GRM7: variants seen among roughly 807,000 people sequenced by gnomAD.
The protein encoded by GRM7 is glutamate metabotropic receptor 7, also known as metabotropic glutamate receptor 7.
In GRM7, 35 loss-of-function variants were observed where a neutral mutation model predicts 84.5. The ratio of observed to expected loss-of-function variants is 0.41; its 90% CI spans 0.32 to 0.55. The LOEUF (loss-of-function observed/expected upper bound fraction) is 0.55, where lower values mean the gene tolerates loss of function less well. Ranked by LOEUF, GRM7 falls within the 20% of genes least tolerant of loss-of-function variation. GRM7 has a pLI of 0.19. For missense variants in GRM7, 1,003 were observed against 1,194.6 expected, an observed-to-expected ratio of 0.84 and a Z score of 2.36; for synonymous variants, 487 against 455.1, an observed-to-expected ratio of 1.07 and a Z score of -0.89.
At chr3:7,293,048 A>C (rs895405716) in intron 2 of GRM7, among the ~76,000 whole-genome samples, 1 of 151,694 alleles carries the variant, frequency 6.6e-6, no homozygotes, top group African/African-American at 2.4e-5. Context: ...AAAAAAAAAA[A>C]AAATTGAGCT....
intron 7 of GRM7, among the ~76,000 whole-genome samples, chr3:7,495,909 GAAGGGTTTATAGCTGTGCTT>G (rs1232888454): frequency 2.6e-5 from 4 of 152,144 alleles, no homozygotes; most frequent in Non-Finnish European, 5.9e-5. Context: ...TGCACCTCCT[GAAGGGTTTATAGCTGTGCTT>G]AATGAGGAAG....
chr3:7,592,999 G>A (rs1405138061), intron 8 of GRM7, among the ~76,000 whole-genome samples: 2 of 152,092 alleles, frequency 1.3e-5, no homozygotes, highest in Admixed American at 1.3e-4. Context: ...ATAAGATAAT[G>A]GGGCTCCCAC....
rs938808855 is a variant in GRM7 at position 7,252,638 on chromosome 3, G to C, written c.737-46046G>C. Reference sequence around the variant, plus strand: ...AAATCTAGATTTCTGGCTTGGCTTGGCTTAGCTTAGCTTTTCTCTTTTCTA... The same window carrying C: ...AAATCTAGATTTCTGGCTTGGCTTGCCTTAGCTTAGCTTTTCTCTTTTCTA... On this transcript the variant is annotated intron_variant, in intron 2 of 9. Coordinates refer to ENST00000357716, the MANE Select transcript of GRM7 (RefSeq NM_000844.4). Among the ~76,000 whole-genome samples the C allele has an allele frequency of 1.2e-4, 11 of 94,290 alleles. No homozygotes were observed. The South Asian group carries it at 2.6e-3, about 22-fold the overall frequency. 61.9% of individuals were successfully genotyped at this position (94,290 alleles called of 152,430 possible).
At chr3:6,874,153 T>A (rs1211670675) in intron 1 of GRM7, among the ~76,000 whole-genome samples, 1 of 152,222 alleles carries the variant, frequency 6.6e-6, no homozygotes, top group East Asian at 1.9e-4. Flanking sequence ...TTGTGAAGAA[T>A]GAATGACTAG....
At chr3:7,682,336 C>CAAAAA (rs905940773) in intron 9 of GRM7, 53 of 50,890 alleles carry the variant, frequency 1.0e-3, no homozygotes, top group African/African-American at 1.2e-3. Context: ...AACTCCATCT[C>CAAAAA]AAAAAAAAAA....
intron 8 of GRM7, among the ~76,000 whole-genome samples, chr3:7,584,653 C>G (rs1171449563): frequency 1.3e-5 from 2 of 152,130 alleles, no homozygotes; most frequent in African/African-American, 2.4e-5. Context: ...GGTAAGAAAA[C>G]TAGTTGAGTA....
At chr3:7,464,889 G>T (rs1248742283) in intron 7 of GRM7, among the ~76,000 whole-genome samples, 2 of 151,592 alleles carry the variant, frequency 1.3e-5, no homozygotes, top group Non-Finnish European at 2.9e-5. Context: ...CCAACTACTT[G>T]GGAGGCTGAG....
At chr3:7,224,698 TG>T (rs1290727978) in intron 2 of GRM7, among the ~76,000 whole-genome samples, 4 of 152,218 alleles carry the variant, frequency 2.6e-5, no homozygotes, top group Non-Finnish European at 4.4e-5. Context: ...GGGATAATCA[TG>T]GCATGTGCTT....
intron 1 of GRM7, among the ~76,000 whole-genome samples, chr3:7,074,463 G>A (rs983006485): frequency 6.6e-6 from 1 of 152,106 alleles, no homozygotes; most frequent in African/African-American, 2.4e-5. Context: ...TGTGGTCCAT[G>A]AATTTCTTCT....
intron 2 of GRM7, among the ~76,000 whole-genome samples, chr3:7,197,952 C>G (rs1260641574): frequency 1.1e-4 from 17 of 151,800 alleles, no homozygotes; most frequent in Admixed American, 1.1e-3. Flanking sequence ...TAAGTGGGAC[C>G]CAGTTGGGTA....
intron 4 of GRM7, among the ~76,000 whole-genome samples, chr3:7,336,942 A>G (rs1701443656): frequency 6.6e-6 from 1 of 152,156 alleles, no homozygotes; most frequent in Non-Finnish European, 1.5e-5. Flanking sequence ...AATGGGTAGA[A>G]TCAATATTGT....
chr3:7,013,695 G>A (rs759698532), intron 1 of GRM7, among the ~76,000 whole-genome samples: 1 of 152,160 alleles, frequency 6.6e-6, no homozygotes, highest in South Asian at 2.1e-4. Context: ...GGAGGCTGAA[G>A]CAGGAGAATT....
intron 2 of GRM7, among the ~76,000 whole-genome samples, chr3:7,218,345 C>A (rs1010249791): frequency 6.6e-6 from 1 of 151,916 alleles, no homozygotes; most frequent in Non-Finnish European, 1.5e-5. Flanking sequence ...ATTTATAGTA[C>A]CTTTATTTCT....
intron 4 of GRM7, among the ~76,000 whole-genome samples, chr3:7,404,160 C>T (rs1559298104): frequency 6.6e-6 from 1 of 152,152 alleles, no homozygotes; most frequent in Non-Finnish European, 1.5e-5. Flanking sequence ...AAGTATTCTG[C>T]ATATACTTCC....
intron 7 of GRM7, among the ~76,000 whole-genome samples, chr3:7,547,293 A>AC (rs1298395087): frequency 8.0e-6 from 1 of 124,828 alleles, no homozygotes; most frequent in Non-Finnish European, 1.6e-5. Context: ...TGCAAGCTCC[A>AC]CCCCCCGGGT....
intron 1 of GRM7, among the ~76,000 whole-genome samples, chr3:6,910,484 A>G (rs796896906): frequency 1.6e-4 from 24 of 152,280 alleles, no homozygotes; most frequent in African/African-American, 5.8e-4. Context: ...GGCAGTGTGC[A>G]AGGTTTCCTG....
chr3:6,893,059 G>C (rs1027370639), intron 1 of GRM7: 2 of 151,924 alleles, frequency 1.3e-5, no homozygotes, highest in Non-Finnish European at 2.9e-5. Flanking sequence ...CTAGATGAAG[G>C]GCATATCATC....
At position 7,680,270 on chromosome 3, in the gene GRM7, G is replaced by A; in HGVS notation, c.2673G>A (p.Glu891=). The A allele has an allele frequency of 3.7e-6, 6 of 1,614,164 alleles. No homozygotes were observed. The highest frequency in any genetic ancestry group is 3.4e-6 in the Non-Finnish European group (4 of 1,179,996). ...SDRPNGEAKT[E]LCENVDPNSP... ...GACCCAACGGTGAGGCAAAGACCGAGCTCTGTGAAAACGTAGACCCAAACA... is the reference window on the plus strand; with the variant it reads ...GACCCAACGGTGAGGCAAAGACCGAACTCTGTGAAAACGTAGACCCAAACA... The change falls in exon 9 of 10, where the codon GAG becomes GAA. Residue 891 remains glutamate, a synonymous_variant. Transcript: ENST00000357716.
In GRM7 at chr3:7,461,634, G is replaced by T; in HGVS notation, c.1427G>T (p.Arg476Leu). The T allele has an allele frequency of 6.2e-7, 1 of 1,612,542 alleles. No homozygotes were observed. Among genetic ancestry groups the T allele is most frequent in the South Asian group, 1.1e-5 (1 of 91,058 alleles). ...AACAAGAACGGGGATGCACCTGGGCGTTATGACATCTTTCAGTACCAGACC... is the reference window on the plus strand; with the variant it reads ...AACAAGAACGGGGATGCACCTGGGCTTTATGACATCTTTCAGTACCAGACC... ...MFNKNGDAPG[R>L]YDIFQYQTTN... Residue 476 changes from arginine to leucine, a missense_variant, in exon 7 of 10, where the codon CGT becomes CTT. Arg to Leu is a moderately radical substitution (Grantham distance 102). Transcript: ENST00000357716.
Sources: gnomAD v4.1 joint callset for allele counts (sites outside exome capture counted in the v4.1 genomes callset) on GRCh38, gnomAD v4.1.1 for gene constraint, MANE v1.5 for transcripts, NCBI Gene and HGNC (gene_info 2026-07-23, HGNC 2026-07-21) for gene names.